Variants in BLTP1 observed in about 807,000 individuals in gnomAD.
BLTP1 encodes the protein fragile site-associated protein.
At chr4:122,279,743 G>A in the BLTP1 span, 1 of 1,586,946 alleles carries the variant, frequency 6.3e-7, no homozygotes, top group East Asian at 2.3e-5. Context: ...GCTGTTGGCT[G>A]TATTTTAATA....
chr4:122,201,923 A>G, the BLTP1 span: 1 of 956,146 alleles, frequency 1.0e-6, no homozygotes, highest in Non-Finnish European at 1.2e-6. Context: ...GTGGTGTTTA[A>G]GGCATATGTA....
chr4:122,327,960 A>T, the BLTP1 span: 1 of 558,958 alleles, frequency 1.8e-6, no homozygotes, highest in East Asian at 3.6e-5. Flanking sequence ...GTACTATTTC[A>T]TATGTTCATG....
chr4:122,240,663 A>G, the BLTP1 span, among the ~76,000 whole-genome samples: 2 of 152,146 alleles, frequency 1.3e-5, no homozygotes, highest in East Asian at 3.8e-4. Context: ...TCTTAAAAAT[A>G]AAATTTTGAA....
At chr4:122,347,408 T>G in the BLTP1 span, 1 of 1,377,130 alleles carries the variant, frequency 7.3e-7, no homozygotes, top group Non-Finnish European at 9.8e-7. Flanking sequence ...AATAGAGAAC[T>G]AGAAGGAATA....
chr4:122,333,904 A>G, the BLTP1 span: 7 of 1,446,628 alleles, frequency 4.8e-6, no homozygotes, highest in Admixed American at 2.1e-4. Flanking sequence ...TTATATTAAA[A>G]TGAGACTTAG....
the BLTP1 span, chr4:122,307,332 A>G: frequency 3.1e-5 from 9 of 294,730 alleles, no homozygotes; most frequent in Non-Finnish European, 4.5e-5. Context: ...GTAGCATCAT[A>G]TCAACATTCA....
At chr4:122,325,222 A>C in the BLTP1 span, 6 of 1,592,582 alleles carry the variant, frequency 3.8e-6, no homozygotes, top group Non-Finnish European at 4.3e-6. Flanking sequence ...CTTTATATTT[A>C]CTTGCAGTTC....
the BLTP1 span, chr4:122,174,217 A>G: frequency 3.0e-6 from 3 of 985,318 alleles, no homozygotes; most frequent in South Asian, 1.4e-4. Context: ...ATTTGAGGCA[A>G]TGGCTGGTTC....
chr4:122,262,981 C>G, the BLTP1 span: 5 of 1,612,664 alleles, frequency 3.1e-6, no homozygotes, highest in Admixed American at 6.7e-5. Context: ...CTAACGAGAA[C>G]AGGTACGTCC....
At chr4:122,295,637 C>T in the BLTP1 span, among the ~76,000 whole-genome samples, 1 of 151,836 alleles carries the variant, frequency 6.6e-6, no homozygotes, top group Admixed American at 6.6e-5. Context: ...ATAGATACGA[C>T]AAAAAAAGAA....
chr4:122,293,259 T>C, the BLTP1 span: 1 of 752,948 alleles, frequency 1.3e-6, no homozygotes, highest in Non-Finnish European at 1.6e-6. Context: ...GAAGCAGCTG[T>C]AGTCCAGGAC....
the BLTP1 span, among the ~76,000 whole-genome samples, chr4:122,282,905 ATT>A: frequency 6.6e-6 from 1 of 151,774 alleles, no homozygotes; most frequent in Admixed American, 6.6e-5. Context: ...TCACTTTACC[ATT>A]GAGTCATTTG....
the BLTP1 span, chr4:122,310,961 A>G: frequency 2.0e-5 from 17 of 855,374 alleles, no homozygotes; most frequent in Non-Finnish European, 2.4e-5. Flanking sequence ...ATTATTTTAC[A>G]CAATAGTTAT....
the BLTP1 span, chr4:122,224,960 T>C: frequency 8.5e-7 from 1 of 1,173,152 alleles, no homozygotes. Flanking sequence ...GATGAGTACT[T>C]TTCTAGAAGT....
At chr4:122,200,547 C>G in the BLTP1 span, 1 of 960,126 alleles carries the variant, frequency 1.0e-6, no homozygotes, top group African/African-American at 1.9e-5. Flanking sequence ...TCACTGCACT[C>G]CAGCTTGGGC....
the BLTP1 span, chr4:122,174,754 A>G: frequency 5.5e-6 from 5 of 913,110 alleles, no homozygotes; most frequent in African/African-American, 3.5e-5. Context: ...TGCTTCTTCA[A>G]ATAAAACTAA....
chr4:122,325,849 A>G, the BLTP1 span: 1 of 1,122,888 alleles, frequency 8.9e-7, no homozygotes, highest in Non-Finnish European at 1.1e-6. Flanking sequence ...CATTATTTTA[A>G]TTAAGTTGAA....
At chr4:122,305,721 G>GT in the BLTP1 span, 7,711 of 925,150 alleles carry the variant, frequency 8.3e-3, 479 homozygotes, top group African/African-American at 0.13. Flanking sequence ...AATTTCAAGT[G>GT]TTTATGGTAC....
the BLTP1 span, chr4:122,334,656 AT>A: frequency 9.3e-7 from 1 of 1,072,050 alleles, no homozygotes. Context: ...AAGGACATAC[AT>A]TTGTCAATAA....
Sources: allele counts gnomAD v4.1 joint callset (sites outside exome capture counted in the v4.1 genomes callset), GRCh38; gene constraint gnomAD v4.1.1; transcripts MANE v1.5; gene names NCBI Gene and HGNC (gene_info 2026-07-23, HGNC 2026-07-21).